Variants in LRP1B observed in about 807,000 individuals in gnomAD.
LRP1B encodes LDL receptor related protein 1B.
A neutral mutation model predicts 556.6 loss-of-function variants in LRP1B; 217 were observed. The observed-to-expected ratio is 0.39, with a 90% CI of 0.35 to 0.44. LRP1B has a LOEUF of 0.44. Among genes scored for constraint, LRP1B ranks in the 20% least tolerant of loss-of-function variants. The pLI, the probability that LRP1B is intolerant of heterozygous loss-of-function variation, is 1.00. For synonymous variants in LRP1B, 2,047 were observed against 1,865.8 expected, an observed-to-expected ratio of 1.10 and a Z score of -2.50; for missense variants, 5,053 against 5,620.8, an observed-to-expected ratio of 0.90 and a Z score of 3.23.
chr2:140,932,419 T>C (rs992092119), intron 20 of LRP1B, among the ~76,000 whole-genome samples: 4 of 152,140 alleles, frequency 2.6e-5, no homozygotes, highest in African/African-American at 9.7e-5. Flanking sequence ...TTGTCTAGGG[T>C]TGCTTCCATG....
intron 2 of LRP1B, among the ~76,000 whole-genome samples, chr2:141,504,431 A>T (rs1396978179): frequency 6.6e-6 from 1 of 152,096 alleles, no homozygotes; most frequent in Admixed American, 6.6e-5. Flanking sequence ...GACTCCACTT[A>T]AAAAAATGCC....
intron 3 of LRP1B, among the ~76,000 whole-genome samples, chr2:141,280,289 T>C (rs924849253): frequency 2.0e-5 from 3 of 152,062 alleles, no homozygotes; most frequent in Non-Finnish European, 4.4e-5. Flanking sequence ...GACGAGTTAT[T>C]TGGTTTCATG....
At chr2:142,095,899 C>T (rs564078538) in intron 1 of LRP1B, among the ~76,000 whole-genome samples, 1 of 151,802 alleles carries the variant, frequency 6.6e-6, no homozygotes, top group Middle Eastern at 3.4e-3. Flanking sequence ...ATTACTATGT[C>T]AAGATCGCTC....
intron 2 of LRP1B, among the ~76,000 whole-genome samples, chr2:141,584,894 G>A (rs887708834): frequency 6.6e-6 from 1 of 152,148 alleles, no homozygotes; most frequent in Non-Finnish European, 1.5e-5. Flanking sequence ...GCTGGATGTG[G>A]GGAGGGAGAG....
intron 2 of LRP1B, among the ~76,000 whole-genome samples, chr2:141,687,614 A>G (rs1361643150): frequency 6.6e-6 from 1 of 152,002 alleles, no homozygotes; most frequent in Non-Finnish European, 1.5e-5. Context: ...GGAGTAAAGC[A>G]TTAATGGGTT....
chr2:140,831,158 T>C (rs1262259421), intron 31 of LRP1B, among the ~76,000 whole-genome samples: 1 of 151,932 alleles, frequency 6.6e-6, no homozygotes, highest in Non-Finnish European at 1.5e-5. Flanking sequence ...TTATATGCAA[T>C]CTCTATCAAG....
intron 1 of LRP1B, among the ~76,000 whole-genome samples, chr2:141,818,242 T>C (rs11899153): frequency 0.23 from 35,342 of 152,090 alleles, 4,343 homozygotes; most frequent in East Asian, 0.35. Flanking sequence ...GTATTACAAA[T>C]GCAACTTCAA....
At chr2:140,664,192 T>C (rs1017544770) in intron 41 of LRP1B, among the ~76,000 whole-genome samples, 1 of 152,104 alleles carries the variant, frequency 6.6e-6, no homozygotes, top group Non-Finnish European at 1.5e-5. Flanking sequence ...AAGACTGAAA[T>C]ATTGCAAGAA....
chr2:141,830,330 T>A (rs1032350820), intron 1 of LRP1B, among the ~76,000 whole-genome samples: 1 of 151,778 alleles, frequency 6.6e-6, no homozygotes, highest in African/African-American at 2.4e-5. Flanking sequence ...TCTAACCTCA[T>A]CACCTCCCAC....
intron 6 of LRP1B, among the ~76,000 whole-genome samples, chr2:141,199,902 T>C (rs1681924464): frequency 6.6e-6 from 1 of 152,172 alleles, no homozygotes; most frequent in African/African-American, 2.4e-5. Flanking sequence ...AGAATGACTA[T>C]TATTAAAAAG....
intron 41 of LRP1B, among the ~76,000 whole-genome samples, chr2:140,654,405 GAATT>G (rs1272044136): frequency 7.2e-5 from 11 of 152,044 alleles, no homozygotes; most frequent in Non-Finnish European, 1.5e-4. Flanking sequence ...TGTTTTGTGA[GAATT>G]AATATGTATA....
At chr2:141,312,549 C>A (rs1686852106) in intron 3 of LRP1B, among the ~76,000 whole-genome samples, 1 of 151,976 alleles carries the variant, frequency 6.6e-6, no homozygotes, top group Non-Finnish European at 1.5e-5. Flanking sequence ...GTTAAAAGGT[C>A]AACGGTACTT....
chr2:140,881,361 CA>C (rs1693469220), intron 25 of LRP1B, among the ~76,000 whole-genome samples: 1 of 151,738 alleles, frequency 6.6e-6, no homozygotes, highest in African/African-American at 2.4e-5. Flanking sequence ...AACTGTTTAT[CA>C]AAATAGCCAA....
At chr2:140,431,321 A>G (rs1026243932) in intron 66 of LRP1B, among the ~76,000 whole-genome samples, 1 of 152,142 alleles carries the variant, frequency 6.6e-6, no homozygotes, top group East Asian at 1.9e-4. Context: ...TCGGAATGCT[A>G]CAGGGTACAG....
intron 2 of LRP1B, among the ~76,000 whole-genome samples, chr2:141,615,707 C>G (rs1267543135): frequency 6.6e-6 from 1 of 152,024 alleles, no homozygotes; most frequent in Non-Finnish European, 1.5e-5. Flanking sequence ...AACAGAAACT[C>G]TCACTTAACT....
intron 3 of LRP1B, among the ~76,000 whole-genome samples, chr2:141,313,168 C>T (rs1176385146): frequency 1.3e-5 from 2 of 151,862 alleles, no homozygotes; most frequent in Non-Finnish European, 2.9e-5. Context: ...AAGACTTGGC[C>T]TCATTCTTTA....
At chr2:140,683,525 A>G in intron 41 of LRP1B, 1 of 617,104 alleles carries the variant, frequency 1.6e-6, no homozygotes, top group Admixed American at 2.1e-5. Context: ...TGTCGTCAGC[A>G]TCATATGGAT....
chr2:140,984,420 T>G (rs10171576), intron 17 of LRP1B, among the ~76,000 whole-genome samples: 4 of 151,748 alleles, frequency 2.6e-5, no homozygotes, highest in Non-Finnish European at 5.9e-5. Flanking sequence ...ATCACATATT[T>G]CTATCTAAAA....
chr2:142,127,406 T>TC (rs1707694248), intron 1 of LRP1B, among the ~76,000 whole-genome samples: 1 of 118,728 alleles, frequency 8.4e-6, no homozygotes, highest in African/African-American at 3.6e-5. Context: ...ATCCATCCAT[T>TC]CATCTTTTTC....
Sources: gnomAD v4.1 joint callset for allele counts (sites outside exome capture counted in the v4.1 genomes callset) on GRCh38, gnomAD v4.1.1 for gene constraint, MANE v1.5 for transcripts, NCBI Gene and HGNC (gene_info 2026-07-23, HGNC 2026-07-21) for gene names.